Variants in EYA1 observed in about 807,000 individuals in gnomAD.
The protein encoded by EYA1 is EYA transcriptional coactivator and phosphatase 1.
Under a neutral mutation model 82.0 loss-of-function variants are expected in EYA1, and 16 were observed. The ratio of observed to expected loss-of-function variants is 0.20; its 90% confidence interval spans 0.13 to 0.30. The LOEUF is 0.30. EYA1 is among the 10% of genes least tolerant of loss of function. The probability of loss-of-function intolerance (pLI) is 1.00; values close to 1 mark genes in which losing one functional copy is unlikely to be tolerated. For synonymous variants in EYA1, 261 were observed against 264.4 expected (o/e 0.99, Z 0.12); for missense variants, 633 against 730.7 (o/e 0.87, Z 1.54).
intron 2 of EYA1, among the ~76,000 whole-genome samples, chr8:71,437,700 T>G (rs960832259): frequency 6.6e-6 from 1 of 151,950 alleles, no homozygotes; most frequent in African/African-American, 2.4e-5. Context: ...ATTTGCAAGT[T>G]AGTGAAAAAT....
chr8:71,483,807 A>G (rs568100302), intron 2 of EYA1, among the ~76,000 whole-genome samples: 1 of 152,280 alleles, frequency 6.6e-6, no homozygotes, highest in South Asian at 2.1e-4. Flanking sequence ...GACCCCAAAT[A>G]GTATGGAAAC....
intron 7 of EYA1, among the ~76,000 whole-genome samples, chr8:71,306,970 G>A (rs1820799793): frequency 6.6e-6 from 1 of 152,162 alleles, no homozygotes; most frequent in African/African-American, 2.4e-5. Flanking sequence ...ATCTAGGCTG[G>A]AGTGGGAGCC....
intron 3 of EYA1, among the ~76,000 whole-genome samples, chr8:71,347,340 T>A (rs2129059721): frequency 6.8e-6 from 1 of 147,288 alleles, no homozygotes; most frequent in East Asian, 1.9e-4. Flanking sequence ...TTATTTATTT[T>A]GAGATAGAGT....
chr8:71,199,304 C>A lies in EYA1; in HGVS notation c.*36G>T. 6.7e-7 allele frequency: 1 copy of A among 1,487,378 alleles called. No homozygotes were observed. The highest frequency in any genetic ancestry group is 9.3e-7 in the Non-Finnish European group (1 of 1,073,216). 92.1% of individuals were successfully genotyped at this position (1,487,378 alleles called of 1,614,324 possible). On this transcript the variant is annotated 3_prime_UTR_variant, in exon 18 of 18. Coordinates refer to ENST00000340726, the MANE Select transcript of EYA1 (RefSeq NM_000503.6). ...GGCCTGCTGGATCTGTCCCTGGTCA[C>A]AGAGCAGCTGTGCGCTGTCAAAGTG... is the stretch of plus-strand genomic sequence containing the variant.
At chr8:71,480,769 T>G (rs1810081034) in intron 2 of EYA1, among the ~76,000 whole-genome samples, 1 of 152,194 alleles carries the variant, frequency 6.6e-6, no homozygotes, top group South Asian at 2.1e-4. Context: ...TTTAAATAGA[T>G]ATTTAAGCAA....
intron 2 of EYA1, among the ~76,000 whole-genome samples, chr8:71,464,191 T>C (rs79185186): frequency 0.018 from 2,795 of 152,206 alleles, 54 homozygotes; most frequent in African/African-American, 0.062. Flanking sequence ...CTCCCTCCTC[T>C]TCAAGGGGCC....
At chr8:71,500,776 T>TAC (rs1376380856) in intron 2 of EYA1, among the ~76,000 whole-genome samples, 4 of 151,996 alleles carry the variant, frequency 2.6e-5, no homozygotes, top group East Asian at 3.9e-4. Context: ...CACATACACA[T>TAC]ACACACACAC....
intron 2 of EYA1, among the ~76,000 whole-genome samples, chr8:71,417,809 T>C (rs1398118237): frequency 6.6e-6 from 1 of 152,190 alleles, no homozygotes; most frequent in Non-Finnish European, 1.5e-5. Context: ...CAGTCCAAAA[T>C]ATAACTCTAT....
chr8:71,290,487 A>C (rs183283153), intron 9 of EYA1, among the ~76,000 whole-genome samples: 3 of 152,166 alleles, frequency 2.0e-5, no homozygotes, highest in African/African-American at 7.2e-5. Context: ...TATATGCATT[A>C]TTTTGATTAA....
At chr8:71,222,234 C>T (rs553542669) in intron 12 of EYA1, among the ~76,000 whole-genome samples, 2 of 152,258 alleles carry the variant, frequency 1.3e-5, no homozygotes, top group Admixed American at 1.3e-4. Context: ...ACTCGGATAC[C>T]TTCCACTGGT....
rs778412834 is a variant in EYA1 at position 71,523,175 on chromosome 8, TTTTC to T, written c.33+12565_33+12568del. Among the ~76,000 whole-genome samples the T allele has an allele frequency of 7.9e-4, 89 of 112,836 alleles. 6 individuals carry two copies. In the South Asian group the frequency reaches 0.013, roughly 16 times the overall value. The allele number at this position is 112,836 out of a possible 152,430, so 74.0% of individuals were successfully genotyped here. ...CAGCTCTTTTTCTTTTCTTTTTTCT[TTTTC>T]TTTTTTTTTTTTTTTTTGAGACGGA... On this transcript the variant is annotated intron_variant, in intron 2 of 18. Transcript: ENST00000643681.
chr8:71,345,285 G>A (rs1389812277), intron 3 of EYA1, among the ~76,000 whole-genome samples: 1 of 152,172 alleles, frequency 6.6e-6, no homozygotes, highest in Non-Finnish European at 1.5e-5. Flanking sequence ...ATAGCCAGTG[G>A]ACATTGAGCA....
intron 2 of EYA1, among the ~76,000 whole-genome samples, chr8:71,478,363 G>A (rs760717113): frequency 4.6e-5 from 7 of 152,162 alleles, no homozygotes; most frequent in South Asian, 2.1e-4. Context: ...ATCTATCACC[G>A]ACTCTGCAGA....
At chr8:71,254,865 G>A (rs1272710773) in intron 11 of EYA1, among the ~76,000 whole-genome samples, 1 of 116,738 alleles carries the variant, frequency 8.6e-6, no homozygotes, top group Non-Finnish European at 1.6e-5. Context: ...CACACACAGA[G>A]TCTGTTAGAA....
chr8:71,344,400 A>C (rs1825488692), intron 3 of EYA1, among the ~76,000 whole-genome samples: 1 of 152,216 alleles, frequency 6.6e-6, no homozygotes, highest in South Asian at 2.1e-4. Flanking sequence ...ACTGTAGTTT[A>C]TATTTATTGA....
chr8:71,255,771 C>G (rs1358817675), intron 11 of EYA1, among the ~76,000 whole-genome samples: 7 of 151,842 alleles, frequency 4.6e-5, no homozygotes, highest in African/African-American at 1.7e-4. Flanking sequence ...AAGGAAACAA[C>G]AGTGAAAAGG....
At chr8:71,339,458 C>A (rs950824425) in intron 3 of EYA1, among the ~76,000 whole-genome samples, 1 of 151,948 alleles carries the variant, frequency 6.6e-6, no homozygotes, top group South Asian at 2.1e-4. Flanking sequence ...CTTGCCAGAC[C>A]CCCTTTTCCA....
chr8:71,264,985 A>C (rs777313313), intron 11 of EYA1, among the ~76,000 whole-genome samples: 85 of 152,210 alleles, frequency 5.6e-4, no homozygotes, highest in Non-Finnish European at 1.2e-3. Flanking sequence ...AATTTGCCTA[A>C]GGTCAAAGAG....
At chr8:71,487,110 G>GAGTACC in intron 2 of EYA1, among the ~76,000 whole-genome samples, 1 of 151,182 alleles carries the variant, frequency 6.6e-6, no homozygotes, top group Non-Finnish European at 1.5e-5. Flanking sequence ...AAACAAAGAG[G>GAGTACC]AGTACCAGGA....
Sources: gnomAD v4.1 joint callset for allele counts (sites outside exome capture counted in the v4.1 genomes callset) on GRCh38, gnomAD v4.1.1 for gene constraint, MANE v1.5 for transcripts, NCBI Gene and HGNC (gene_info 2026-07-23, HGNC 2026-07-21) for gene names.